Variants in TCF12 observed in about 807,000 individuals in gnomAD.
The protein encoded by TCF12 is transcription factor 12, also known as DNA-binding protein HTF4.
A neutral mutation model predicts 86.0 loss-of-function variants in TCF12; 45 were observed. That is an observed-to-expected ratio of 0.52 (90% CI 0.41 to 0.67). The LOEUF is 0.67. Ranked by LOEUF, TCF12 falls within the 30% of genes least tolerant of loss-of-function variation. TCF12 has a pLI of 0.00. For synonymous variants in TCF12, 330 were observed against 299.6 expected (o/e 1.10, Z -1.05); for missense variants, 881 against 859.9 (o/e 1.02, Z -0.31).
intron 8 of TCF12, among the ~76,000 whole-genome samples, chr15:57,221,614 C>G (rs1419830161): frequency 6.6e-6 from 1 of 151,828 alleles, no homozygotes; most frequent in African/African-American, 2.4e-5. Context: ...GGTAGAGAGC[C>G]TGGAAAAATT....
chr15:57,022,153 G>A (rs567931163), intron 3 of TCF12, among the ~76,000 whole-genome samples: 3 of 151,918 alleles, frequency 2.0e-5, no homozygotes, highest in Non-Finnish European at 4.4e-5. Context: ...GTGCCATGTT[G>A]GTTTGCTGCA....
intron 3 of TCF12, among the ~76,000 whole-genome samples, chr15:57,027,625 A>G (rs140285965): frequency 9.5e-4 from 144 of 151,992 alleles, no homozygotes; most frequent in African/African-American, 3.4e-3. Context: ...ACTCTGAGAG[A>G]GTGGAAAAGT....
Position 57,274,646 on chromosome 15 carries a change from C to T in TCF12, c.1978+1384C>T, listed in dbSNP as rs543176969. On this transcript the variant is annotated intron_variant, in intron 19 of 20. Coordinates refer to ENST00000333725, the MANE Select transcript of TCF12 (RefSeq NM_207037.2). The stretch of plus-strand genomic sequence containing the variant: ...TCTCGCTCTGAAGGCAGCAAGGCAC[C>T]TATGTTCAGTGGTTCAAGTACACTC... 3.5e-4 allele frequency among the ~76,000 whole-genome samples: 53 copies of T among 152,226 alleles called. 1 individual carries two copies. In the South Asian group the frequency reaches 8.1e-3, roughly 23 times the overall value.
chr15:56,996,848 A>G lies in TCF12; in HGVS notation c.149-66902A>G, dbSNP rs542209907. Among the ~76,000 whole-genome samples the G allele has an allele frequency of 7.9e-4, 120 of 152,318 alleles. 1 individual carries two copies. The highest frequency in any genetic ancestry group is 2.7e-3 in the African/African-American group (113 of 41,584). Reference sequence around the variant, plus strand: ...GACACTTCTCAAAAGAAGACATACAAGTAGCCAACAAACATATTAAAAAAT... The same window carrying G: ...GACACTTCTCAAAAGAAGACATACAGGTAGCCAACAAACATATTAAAAAAT... On this transcript the variant is annotated intron_variant, in intron 3 of 20. Transcript: ENST00000333725.
intron 5 of TCF12, among the ~76,000 whole-genome samples, chr15:57,132,529 G>T (rs1304487023): frequency 6.6e-6 from 1 of 152,128 alleles, no homozygotes; most frequent in East Asian, 1.9e-4. Flanking sequence ...ATGATTTCTG[G>T]CTCTGATGAT....
chr15:57,247,819 G>GC, intron 13 of TCF12: 1 of 752,610 alleles, frequency 1.3e-6, no homozygotes, highest in South Asian at 1.4e-5. Flanking sequence ...CAAAACCAAA[G>GC]CCCCTGGAAC....
intron 6 of TCF12, among the ~76,000 whole-genome samples, chr15:57,176,922 C>A (rs988909327): frequency 6.6e-6 from 1 of 152,130 alleles, no homozygotes; most frequent in African/African-American, 2.4e-5. Flanking sequence ...CAATCTAGTC[C>A]TCCTTTGGGG....
intron 5 of TCF12, among the ~76,000 whole-genome samples, chr15:57,146,270 CTG>C (rs1437425225): frequency 6.6e-6 from 1 of 152,056 alleles, no homozygotes. Flanking sequence ...GAAAATGTAA[CTG>C]ATAGTAGCAA....
intron 12 of TCF12, among the ~76,000 whole-genome samples, chr15:57,240,522 A>G (rs77546434): frequency 0.052 from 7,842 of 152,234 alleles, 574 homozygotes; most frequent in African/African-American, 0.16. Flanking sequence ...ATGAGCATCA[A>G]TTGCTCATAA....
At chr15:57,116,153 A>G (rs2050820209) in intron 5 of TCF12, among the ~76,000 whole-genome samples, 1 of 152,180 alleles carries the variant, frequency 6.6e-6, no homozygotes, top group South Asian at 2.1e-4. Context: ...CACTATCAGT[A>G]GTGATAGGGA....
At chr15:57,000,155 C>A (rs2063938781) in intron 3 of TCF12, among the ~76,000 whole-genome samples, 1 of 152,138 alleles carries the variant, frequency 6.6e-6, no homozygotes, top group African/African-American at 2.4e-5. Flanking sequence ...CTTTTGTAAT[C>A]TACTTCATCT....
chr15:57,005,250 ATTGATT>A (rs2064284990), intron 3 of TCF12, among the ~76,000 whole-genome samples: 1 of 152,234 alleles, frequency 6.6e-6, no homozygotes, highest in African/African-American at 2.4e-5. Flanking sequence ...ACAAAGTTAA[ATTGATT>A]TCCTTAGCAT....
Position 57,288,893 on chromosome 15 carries a change from C to T in TCF12, c.*2748C>T, listed in dbSNP as rs971739570. 6.6e-6 allele frequency: 1 copy of T among 152,150 alleles called. No homozygotes were observed. The highest frequency in any genetic ancestry group is 1.5e-5 in the Non-Finnish European group (1 of 68,024). 9.4% of individuals were successfully genotyped at this position (152,150 alleles called of 1,614,324 possible). A position where few individuals can be genotyped will look rare whatever the true frequency, so the allele number is the denominator to read the frequency against. On this transcript the variant is annotated 3_prime_UTR_variant, in exon 21 of 21. Transcript: ENST00000333725. ...ATTCTTCAAAGCACTTTTCACATTTCCCCATACCCTTTCTCACAAAAAAAG... is the reference window on the plus strand; with the variant it reads ...ATTCTTCAAAGCACTTTTCACATTTTCCCATACCCTTTCTCACAAAAAAAG...
chr15:56,967,036 C>T (rs117648995), intron 3 of TCF12, among the ~76,000 whole-genome samples: 3 of 152,066 alleles, frequency 2.0e-5, no homozygotes, highest in African/African-American at 7.2e-5. Context: ...ACATGAGAAT[C>T]GCTTCAACCT....
At chr15:57,193,321 C>G (rs1197856267) in intron 7 of TCF12, among the ~76,000 whole-genome samples, 1 of 152,214 alleles carries the variant, frequency 6.6e-6, no homozygotes, top group East Asian at 1.9e-4. Context: ...ATACTACATT[C>G]ACTACATTGT....
chr15:57,036,807 T>G (rs2066531578), intron 3 of TCF12, among the ~76,000 whole-genome samples: 1 of 152,232 alleles, frequency 6.6e-6, no homozygotes, highest in African/African-American at 2.4e-5. Flanking sequence ...TGTCCTGTTT[T>G]CCCTTTTTAA....
At chr15:57,033,819 C>T (rs2066346306) in intron 3 of TCF12, among the ~76,000 whole-genome samples, 1 of 151,934 alleles carries the variant, frequency 6.6e-6, no homozygotes, top group African/African-American at 2.4e-5. Flanking sequence ...TTATACAGGT[C>T]CAAAAGGAAA....
chr15:57,156,439 C>T (rs1216892938), intron 5 of TCF12, among the ~76,000 whole-genome samples: 2 of 152,192 alleles, frequency 1.3e-5, no homozygotes, highest in South Asian at 2.1e-4. Context: ...ACTCTTATTT[C>T]CATGTTTGTT....
chr15:57,122,783 C>G (rs191025769), intron 5 of TCF12, among the ~76,000 whole-genome samples: 2 of 152,298 alleles, frequency 1.3e-5, no homozygotes, highest in Admixed American at 1.3e-4. Flanking sequence ...TGTGTATTCA[C>G]TAGATCTCTT....
Sources: allele counts gnomAD v4.1 joint callset (sites outside exome capture counted in the v4.1 genomes callset), GRCh38; gene constraint gnomAD v4.1.1; transcripts MANE v1.5; gene names NCBI Gene and HGNC (gene_info 2026-07-23, HGNC 2026-07-21).